The following TENM3 variants were observed in gnomAD, a reference collection of about 807,000 sequenced individuals.
The protein encoded by TENM3 is teneurin transmembrane protein 3, also known as teneurin-3.
In TENM3, 63 loss-of-function variants were observed where a neutral mutation model predicts 255.1. The ratio of observed to expected loss-of-function variants is 0.25; its 90% CI spans 0.20 to 0.30. The LOEUF is 0.30. Ranked by LOEUF, TENM3 falls within the 10% of genes least tolerant of loss-of-function variation. The pLI is 1.00. For synonymous variants in TENM3, 1,306 were observed against 1,322.3 expected (o/e 0.99, Z 0.27); for missense variants, 2,929 against 3,461.1 (o/e 0.85, Z 3.86).
At chr4:182,671,343 G>C (rs1381942914) in intron 6 of TENM3, among the ~76,000 whole-genome samples, 1 of 152,166 alleles carries the variant, frequency 6.6e-6, no homozygotes, top group Non-Finnish European at 1.5e-5. Context: ...CTGGCCAGAT[G>C]GATTTCTCTG....
At chr4:181,606,968 G>A in the TENM3 span, among the ~76,000 whole-genome samples, 1 of 152,128 alleles carries the variant, frequency 6.6e-6, no homozygotes, top group Non-Finnish European at 1.5e-5. Flanking sequence ...ATCGTTACCA[G>A]CAGAGACAAG....
chr4:181,641,794 TAC>T, the TENM3 span, among the ~76,000 whole-genome samples: 2 of 95,580 alleles, frequency 2.1e-5, no homozygotes, highest in African/African-American at 8.6e-5. Context: ...CATATATATA[TAC>T]ACACACACCA....
the TENM3 span, among the ~76,000 whole-genome samples, chr4:182,060,429 T>G: frequency 6.6e-6 from 1 of 151,956 alleles, no homozygotes; most frequent in Admixed American, 6.6e-5. Flanking sequence ...GCAACCGAGA[T>G]CCCTTCCATG....
At chr4:181,961,241 C>T in the TENM3 span, among the ~76,000 whole-genome samples, 12 of 152,230 alleles carry the variant, frequency 7.9e-5, no homozygotes, top group South Asian at 2.1e-4. Context: ...TCAAGCACCA[C>T]GTAACTAAGC....
intron 12 of TENM3, among the ~76,000 whole-genome samples, chr4:182,696,114 AAT>A (rs1212598574): frequency 6.6e-6 from 1 of 152,224 alleles, no homozygotes; most frequent in Non-Finnish European, 1.5e-5. Flanking sequence ...CAAAATAGTT[AAT>A]GAGTATTATC....
At chr4:182,018,602 T>G in the TENM3 span, among the ~76,000 whole-genome samples, 2 of 152,226 alleles carry the variant, frequency 1.3e-5, no homozygotes, top group Admixed American at 1.3e-4. Context: ...TAGCTTAGAT[T>G]AAATCTTCCA....
At chr4:182,744,029 A>G in intron 19 of TENM3, 1 of 700,964 alleles carries the variant, frequency 1.4e-6, no homozygotes, top group East Asian at 1.3e-4. Context: ...AATTTTCCAT[A>G]CAAATAATTA....
the TENM3 span, among the ~76,000 whole-genome samples, chr4:181,848,321 A>G: frequency 6.6e-6 from 1 of 152,216 alleles, no homozygotes; most frequent in African/African-American, 2.4e-5. Context: ...AAACAGAAAC[A>G]TGAGGAAGCT....
intron 22 of TENM3, among the ~76,000 whole-genome samples, chr4:182,765,602 G>A (rs10002126): frequency 0.028 from 4,184 of 152,044 alleles, 181 homozygotes; most frequent in African/African-American, 0.094. Flanking sequence ...CTCATCTTAG[G>A]CTTTTTTTCC....
chr4:181,537,014 T>C, the TENM3 span, among the ~76,000 whole-genome samples: 1 of 152,170 alleles, frequency 6.6e-6, no homozygotes, highest in Non-Finnish European at 1.5e-5. Context: ...AAGTAAGACT[T>C]CCCTTTAACG....
the TENM3 span, among the ~76,000 whole-genome samples, chr4:181,531,761 G>A: frequency 2.0e-5 from 3 of 152,232 alleles, no homozygotes; most frequent in South Asian, 2.1e-4. Context: ...GTGTGTAAAT[G>A]TGTGTACACG....
At position 182,525,239 on chromosome 4, in the gene TENM3, T is replaced by TC. The variant is rs200709586; in HGVS notation, c.512-75683dup. Among the ~76,000 whole-genome samples, 48 of 152,344 alleles carry TC rather than the reference T, an allele frequency of 3.2e-4. No homozygotes were observed. In the East Asian group the frequency reaches 8.7e-3, roughly 28 times the overall value. On this transcript the variant is annotated intron_variant, in intron 3 of 27. Transcript: ENST00000511685. Reference sequence around the variant, plus strand: ...ATGAAAGAATTGCCCATAGGGCTGTTCCACAAAGTGGACTCCATAGTCTAT... The same window carrying TC: ...ATGAAAGAATTGCCCATAGGGCTGTTCCCACAAAGTGGACTCCATAGTCTAT...
chr4:181,613,285 T>G, the TENM3 span, among the ~76,000 whole-genome samples: 2 of 152,198 alleles, frequency 1.3e-5, no homozygotes, highest in African/African-American at 4.8e-5. Flanking sequence ...ATTTGAGACA[T>G]GTTTTCTGCC....
At chr4:182,214,843 T>A (rs190982241) in intron 1 of TENM3, among the ~76,000 whole-genome samples, 232 of 152,320 alleles carry the variant, frequency 1.5e-3, no homozygotes, top group African/African-American at 5.1e-3. Flanking sequence ...TTCTTTTTTT[T>A]ATAAATTAAA....
At chr4:182,418,381 T>C (rs1770544507) in intron 3 of TENM3, among the ~76,000 whole-genome samples, 1 of 152,136 alleles carries the variant, frequency 6.6e-6, no homozygotes, top group Non-Finnish European at 1.5e-5. Flanking sequence ...CGTAATGTCC[T>C]TTGCTTATTT....
intron 4 of TENM3, 102 bp from the exon 5 acceptor site, chr4:182,628,549 G>A: frequency 1.4e-6 from 1 of 718,416 alleles, no homozygotes. Flanking sequence ...TTAAAAAAGA[G>A]AGAGAGAGCA....
chr4:181,454,074 ACCT>A, the TENM3 span, among the ~76,000 whole-genome samples: 1 of 152,328 alleles, frequency 6.6e-6, no homozygotes, highest in East Asian at 1.9e-4. Context: ...GGCTGACATT[ACCT>A]GTTGCATATT....
chr4:181,823,687 G>A, the TENM3 span, among the ~76,000 whole-genome samples: 3 of 152,112 alleles, frequency 2.0e-5, no homozygotes, highest in Non-Finnish European at 4.4e-5. Context: ...GTTGTTGATA[G>A]TAACCCCTGG....
the TENM3 span, among the ~76,000 whole-genome samples, chr4:181,584,536 T>G: frequency 6.6e-6 from 1 of 152,224 alleles, no homozygotes; most frequent in Non-Finnish European, 1.5e-5. Context: ...ACACCTTCAT[T>G]GGTTAGAATT....
Sources: allele counts gnomAD v4.1 joint callset (sites outside exome capture counted in the v4.1 genomes callset), GRCh38; gene constraint gnomAD v4.1.1; transcripts MANE v1.5; gene names NCBI Gene and HGNC (gene_info 2026-07-23, HGNC 2026-07-21).